Variants in RTN1 observed in about 807,000 individuals in gnomAD.
RTN1 encodes the protein reticulon 1.
RTN1 carries 25 observed loss-of-function variants against 65.5 expected under a neutral mutation model. The ratio of observed to expected loss-of-function variants is 0.38; its 90% CI spans 0.28 to 0.53. The LOEUF is 0.53. RTN1 is among the 20% of genes least tolerant of loss of function. The pLI is 0.79. For synonymous variants in RTN1, 471 were observed against 447.6 expected (o/e 1.05, Z -0.66); for missense variants, 983 against 1,025.4 (o/e 0.96, Z 0.57).
chr14:59,759,745 A>G (rs116914428), intron 1 of RTN1, among the ~76,000 whole-genome samples: 211 of 152,212 alleles, frequency 1.4e-3, no homozygotes, highest in Middle Eastern at 3.4e-3. Context: ...AACACTTTGC[A>G]TGGAAAAAGA....
chr14:59,865,860 G>A (rs1448934797), intron 1 of RTN1, among the ~76,000 whole-genome samples: 1 of 152,164 alleles, frequency 6.6e-6, no homozygotes, highest in Non-Finnish European at 1.5e-5. Context: ...AGATCTTGAT[G>A]TAACATTTAG....
intron 1 of RTN1, among the ~76,000 whole-genome samples, chr14:59,748,580 G>A (rs34338270): frequency 0.46 from 69,930 of 151,610 alleles, 17,974 homozygotes; most frequent in African/African-American, 0.7. Flanking sequence ...TCTTTTTCCT[G>A]TATTGCTTAT....
chr14:59,750,125 TA>T (rs1490099041), intron 1 of RTN1, among the ~76,000 whole-genome samples: 10 of 80,584 alleles, frequency 1.2e-4, no homozygotes, highest in Middle Eastern at 9.1e-3. Context: ...TAATATATAT[TA>T]TCTATAATAT....
intron 1 of RTN1, among the ~76,000 whole-genome samples, chr14:59,845,060 A>C (rs1344744666): frequency 6.6e-6 from 1 of 152,198 alleles, no homozygotes; most frequent in Non-Finnish European, 1.5e-5. Context: ...AACCAAAGTA[A>C]AATTTAATCA....
rs189512967 is a variant in RTN1 at position 59,870,013 on chromosome 14, C to T, written c.241+377G>A. 6.6e-6 allele frequency among the ~76,000 whole-genome samples: 1 copy of T among 152,152 alleles called. No individual in the cohort carries two copies. The highest frequency in any genetic ancestry group is 1.5e-5 in the Non-Finnish European group (1 of 68,020). On this transcript the variant is annotated intron_variant, in intron 1 of 8. Transcript: ENST00000267484. This position sits in a 1 kb window ranked among gnomAD's most constrained non-coding sequence, Gnocchi z 5.1. ...CGCACACTGCGCGCAAACACGCCCC[C>T]CAAAATCCCCACAACCTGTCAAACG...
chr14:59,863,834 G>A (rs996161609), intron 1 of RTN1, among the ~76,000 whole-genome samples: 4 of 152,136 alleles, frequency 2.6e-5, no homozygotes, highest in African/African-American at 9.7e-5. Context: ...TCATTCTTGT[G>A]TTTACTCAGG....
chr14:59,606,102 T>TTATATATATATATA (rs1566658026), intron 4 of RTN1: 3 of 51,688 alleles, frequency 5.8e-5, no homozygotes, highest in African/African-American at 3.4e-4. Flanking sequence ...GGGAAAAACA[T>TTATATATATATATA]GATATATATA....
chr14:59,703,504 G>C (rs1884224407), intron 3 of RTN1, among the ~76,000 whole-genome samples: 1 of 152,148 alleles, frequency 6.6e-6, no homozygotes, highest in African/African-American at 2.4e-5. Context: ...GGCCTCACCA[G>C]AATGACATGC....
chr14:59,701,764 G>A (rs537666651), intron 3 of RTN1, among the ~76,000 whole-genome samples: 400 of 152,312 alleles, frequency 2.6e-3, no homozygotes, highest in African/African-American at 9.0e-3. Flanking sequence ...AGATAGTAGT[G>A]ATGGTTGCAC....
At chr14:59,619,149 T>C (rs2140174920) in intron 3 of RTN1, among the ~76,000 whole-genome samples, 1 of 152,296 alleles carries the variant, frequency 6.6e-6, no homozygotes, top group African/African-American at 2.4e-5. Context: ...TTGACAAGAA[T>C]GGTGACTAAC....
At chr14:59,782,537 C>T (rs1034384196) in intron 1 of RTN1, among the ~76,000 whole-genome samples, 5 of 152,170 alleles carry the variant, frequency 3.3e-5, no homozygotes, top group Admixed American at 3.3e-4. Context: ...ACCAATAAAA[C>T]TTCACTGCAC....
At chr14:59,859,033 A>AT (rs563964440) in intron 1 of RTN1, among the ~76,000 whole-genome samples, 7 of 152,190 alleles carry the variant, frequency 4.6e-5, no homozygotes, top group Non-Finnish European at 8.8e-5. Flanking sequence ...CTAGAGGAGG[A>AT]TTTTTAAAAG....
intron 3 of RTN1, among the ~76,000 whole-genome samples, chr14:59,624,208 T>C (rs1349004930): frequency 6.6e-6 from 1 of 152,232 alleles, no homozygotes; most frequent in Non-Finnish European, 1.5e-5. Flanking sequence ...CTTAAAGATA[T>C]AGCTCAAACA....
At chr14:59,606,125 T>TATATATATATATATATATATATATAAAA (rs1345665820) in intron 4 of RTN1, 1 of 111,464 alleles carries the variant, frequency 9.0e-6, no homozygotes, top group African/African-American at 3.8e-5. Context: ...TATATATATA[T>TATATATATATATATATATATATATAAAA]ATCATACCAG....
rs1885769360 is a variant in RTN1, at chr14:59,762,483, TA to T, written c.242-16003del. ...TTAGAGAGGTTAAGGAACTTGTTAT[TA>T]GGAAGACAGCCAGAAGTGGCAGAAG... On this transcript the variant is annotated intron_variant, in intron 1 of 8. Coordinates refer to ENST00000267484, the MANE Select transcript of RTN1 (RefSeq NM_021136.3). Among the ~76,000 whole-genome samples, 7 of 152,272 alleles carry T rather than the reference TA, an allele frequency of 4.6e-5. No individual in the cohort carries two copies. The South Asian group carries it at 1.5e-3, about 32-fold the overall frequency.
intron 3 of RTN1, among the ~76,000 whole-genome samples, chr14:59,642,615 G>A (rs1387634371): frequency 1.3e-5 from 2 of 152,082 alleles, no homozygotes; most frequent in Non-Finnish European, 2.9e-5. Context: ...AGTCAATTAA[G>A]TCATAATTTC....
chr14:59,683,097 T>C (rs910496524), intron 3 of RTN1, among the ~76,000 whole-genome samples: 1 of 152,188 alleles, frequency 6.6e-6, no homozygotes, highest in African/African-American at 2.4e-5. Context: ...TTTGGTCCTA[T>C]ACTGAAGCTT....
intron 3 of RTN1, 82 bp from the exon 4 acceptor site, chr14:59,607,574 G>A: frequency 1.7e-6 from 2 of 1,189,356 alleles, no homozygotes; most frequent in South Asian, 1.3e-5. Context: ...ACCAAGCTGT[G>A]GTTGCTGTGG....
At position 59,868,402 on chromosome 14, in the gene RTN1, G is replaced by T. The variant is rs1887834218; in HGVS notation, c.241+1988C>A. On this transcript the variant is annotated intron_variant, in intron 1 of 8. Coordinates refer to ENST00000267484, the MANE Select transcript of RTN1 (RefSeq NM_021136.3). This position sits in a 1 kb window ranked among gnomAD's most constrained non-coding sequence, Gnocchi z 4.0. Reference sequence around the variant, plus strand: ...ATTTTATTACTATATTTGTTGCCTAGGATAGAAAACCCCAAACACATTCAA... The same window carrying T: ...ATTTTATTACTATATTTGTTGCCTATGATAGAAAACCCCAAACACATTCAA... Among the ~76,000 whole-genome samples the T allele has an allele frequency of 6.6e-6, 1 of 151,952 alleles. No individual in the cohort carries two copies. The highest frequency in any genetic ancestry group is 2.4e-5 in the African/African-American group (1 of 41,340).
Sources: gnomAD v4.1 joint callset for allele counts (sites outside exome capture counted in the v4.1 genomes callset) on GRCh38, gnomAD v4.1.1 for gene constraint, Gnocchi (gnomAD v3.1) non-coding constraint, MANE v1.5 for transcripts, NCBI Gene and HGNC (gene_info 2026-07-23, HGNC 2026-07-21) for gene names.